The following FOXJ3 variants were observed in gnomAD, a reference collection of about 807,000 sequenced individuals.
FOXJ3 encodes forkhead box J3, also known as forkhead box protein J3.
Under a neutral mutation model 76.1 loss-of-function variants are expected in FOXJ3, and 22 were observed. That is an observed-to-expected ratio of 0.29 (90% CI 0.21 to 0.41). The LOEUF is 0.41. Ranked by LOEUF, FOXJ3 falls within the 10% of genes least tolerant of loss-of-function variation. The pLI, the probability that FOXJ3 is intolerant of heterozygous loss-of-function variation, is 1.00. For synonymous variants in FOXJ3, 269 were observed against 261.2 expected (o/e 1.03, Z -0.29); for missense variants, 613 against 762.1 (o/e 0.80, Z 2.30).
intron 2 of FOXJ3, among the ~76,000 whole-genome samples, chr1:42,287,371 TAAA>T (rs1283987356): frequency 2.6e-5 from 4 of 152,070 alleles, no homozygotes; most frequent in Non-Finnish European, 5.9e-5. Flanking sequence ...CAAGCTGATC[TAAA>T]TTACCCTTGC....
At chr1:42,282,984 G>A (rs1652822752) in intron 2 of FOXJ3, among the ~76,000 whole-genome samples, 1 of 152,186 alleles carries the variant, frequency 6.6e-6, no homozygotes, top group Admixed American at 6.5e-5. Context: ...AAGTGAGACT[G>A]TAACAAGTTC....
chr1:42,179,452 C>A lies in FOXJ3; in HGVS notation c.*258G>T. 4.1e-6 allele frequency: 1 copy of A among 245,214 alleles called. No homozygotes were observed. Among genetic ancestry groups the A allele is most frequent in the Non-Finnish European group, 7.8e-6 (1 of 127,568 alleles). 15.2% of individuals were successfully genotyped at this position (245,214 alleles called of 1,614,324 possible). On this transcript the variant is annotated 3_prime_UTR_variant, in exon 13 of 13. Transcript: ENST00000361346. ...TTAACATCAAACTGACACAAATATG[C>A]AAAAAGCCGTCCAAATCACACAACA...
At chr1:42,226,091 G>A (rs576739680) in intron 5 of FOXJ3, among the ~76,000 whole-genome samples, 1 of 152,100 alleles carries the variant, frequency 6.6e-6, no homozygotes, top group Non-Finnish European at 1.5e-5. Context: ...TTTAAAATGT[G>A]AATTTTTCTC....
At chr1:42,271,644 TTTA>T (rs1294026659) in intron 3 of FOXJ3, among the ~76,000 whole-genome samples, 1 of 152,052 alleles carries the variant, frequency 6.6e-6, no homozygotes, top group East Asian at 1.9e-4. Context: ...ACCATGAAAT[TTTA>T]TTTTTTATTT....
At chr1:42,235,186 G>A (rs774997104) in intron 4 of FOXJ3, among the ~76,000 whole-genome samples, 6 of 152,310 alleles carry the variant, frequency 3.9e-5, no homozygotes, top group East Asian at 3.9e-4. Context: ...CTCCGTGGGC[G>A]TAGGACCCTC....
chr1:42,217,419 C>T (rs540243122), intron 5 of FOXJ3, among the ~76,000 whole-genome samples: 148 of 152,108 alleles, frequency 9.7e-4, no homozygotes, highest in African/African-American at 3.5e-3. Flanking sequence ...GTCCCAGCTA[C>T]TCGGGAGGCT....
intron 4 of FOXJ3, among the ~76,000 whole-genome samples, chr1:42,263,437 AC>A (rs1475106855): frequency 6.6e-6 from 1 of 152,164 alleles, no homozygotes; most frequent in East Asian, 1.9e-4. Flanking sequence ...ATTCATATAT[AC>A]TCATTGCCTA....
chr1:42,249,910 G>C (rs923492044), intron 4 of FOXJ3, among the ~76,000 whole-genome samples: 2 of 152,140 alleles, frequency 1.3e-5, no homozygotes, highest in Non-Finnish European at 2.9e-5. Flanking sequence ...CTTCCTTTCC[G>C]AGTTATTATA....
rs760840380 is a variant in FOXJ3 at position 42,191,401 on chromosome 1, G to A, written c.1253C>T (p.Pro418Leu). The A allele has an allele frequency of 6.8e-6, 11 of 1,608,384 alleles. No homozygotes were observed. The highest frequency in any genetic ancestry group is 9.4e-6 in the Non-Finnish European group (11 of 1,175,300). Reference sequence around the variant, plus strand: ...GTGCTGTATGTGTTGATGTGGAGAGGGATGCTGGGGGTGAGGGGACTGGAG... The same window carrying A: ...GTGCTGTATGTGTTGATGTGGAGAGAGATGCTGGGGGTGAGGGGACTGGAG... Reference protein sequence around the residue: ...SQLQSPHPQHPSPHQHIQHHP... With the variant: ...SQLQSPHPQHLSPHQHIQHHP... Residue 418 changes from proline to leucine, a missense_variant, in exon 9 of 13, where the codon CCC becomes CTC. Around this residue, in one of 3 missense-constraint regions of FOXJ3, gnomAD observed 526 missense variants for 601.4 expected, o/e 0.87. Coordinates refer to ENST00000361346, the MANE Select transcript of FOXJ3 (RefSeq NM_014947.5).
At chr1:42,255,018 A>G (rs988953639) in intron 4 of FOXJ3, among the ~76,000 whole-genome samples, 10 of 152,132 alleles carry the variant, frequency 6.6e-5, no homozygotes, top group African/African-American at 2.4e-4. Flanking sequence ...GGAAACTTAG[A>G]TTTCTAGGAA....
chr1:42,234,162 C>G (rs1345282537), intron 4 of FOXJ3, among the ~76,000 whole-genome samples: 1 of 152,170 alleles, frequency 6.6e-6, no homozygotes, highest in Admixed American at 6.5e-5. Context: ...TCTTCCATCA[C>G]TGATACCCTT....
intron 2 of FOXJ3, among the ~76,000 whole-genome samples, chr1:42,292,823 C>G (rs1369146681): frequency 6.6e-6 from 1 of 152,054 alleles, no homozygotes; most frequent in Non-Finnish European, 1.5e-5. Flanking sequence ...TTTGTGGGCT[C>G]AGCATGGTGG....
At chr1:42,326,277 T>C (rs1655824397) in intron 1 of FOXJ3, among the ~76,000 whole-genome samples, 1 of 152,156 alleles carries the variant, frequency 6.6e-6, no homozygotes, top group African/African-American at 2.4e-5. Context: ...ATCCACATTT[T>C]TCCAAATTCT....
chr1:42,294,186 T>C (rs1653625873), intron 2 of FOXJ3, among the ~76,000 whole-genome samples: 1 of 152,212 alleles, frequency 6.6e-6, no homozygotes, highest in Non-Finnish European at 1.5e-5. Context: ...TTATCCTCTC[T>C]TGAAATCCTT....
intron 11 of FOXJ3, among the ~76,000 whole-genome samples, chr1:42,188,177 C>G (rs1646474465): frequency 6.6e-6 from 1 of 152,026 alleles, no homozygotes; most frequent in South Asian, 2.1e-4. Flanking sequence ...GAAATTCCTA[C>G]AGAAAAATGT....
At chr1:42,244,161 T>C (rs1310343979) in intron 4 of FOXJ3, among the ~76,000 whole-genome samples, 2 of 152,168 alleles carry the variant, frequency 1.3e-5, no homozygotes, top group South Asian at 4.2e-4. Flanking sequence ...CTATGGAGTA[T>C]AGCAAAAGCA....
At chr1:42,200,957 C>T (rs1054763502) in intron 6 of FOXJ3, among the ~76,000 whole-genome samples, 2 of 152,286 alleles carry the variant, frequency 1.3e-5, no homozygotes, top group Admixed American at 1.3e-4. Flanking sequence ...TCTGCATGAA[C>T]ATTATATAAT....
intron 3 of FOXJ3, among the ~76,000 whole-genome samples, chr1:42,271,107 C>T (rs999898832): frequency 2.0e-5 from 3 of 152,240 alleles, no homozygotes; most frequent in South Asian, 4.1e-4. Flanking sequence ...GTTCCACTAC[C>T]GGACACAAAT....
chr1:42,223,264 T>C (rs969048802), intron 5 of FOXJ3, among the ~76,000 whole-genome samples: 1 of 152,196 alleles, frequency 6.6e-6, no homozygotes, highest in African/African-American at 2.4e-5. Context: ...CAACACCATC[T>C]GTATCTACTC....
Sources: allele counts gnomAD v4.1 joint callset (sites outside exome capture counted in the v4.1 genomes callset), GRCh38; gene constraint gnomAD v4.1.1; regional missense constraint gnomAD v4.1.1; transcripts MANE v1.5; gene names NCBI Gene and HGNC (gene_info 2026-07-23, HGNC 2026-07-21).